The following EMILIN2 variants were observed in gnomAD, a reference collection of about 807,000 sequenced individuals.
EMILIN2 encodes the protein EMILIN-2.
Under a neutral mutation model 87.1 loss-of-function variants are expected in EMILIN2, and 71 were observed. The observed-to-expected ratio is 0.82, with a 90% CI of 0.67 to 0.99. EMILIN2 has a LOEUF of 0.99. Ranked by LOEUF, EMILIN2 falls within the 50% of genes least tolerant of loss-of-function variation. The pLI is 0.00. For synonymous variants in EMILIN2, 581 were observed against 563.4 expected (o/e 1.03, Z -0.44); for missense variants, 1,407 against 1,371.8 (o/e 1.03, Z -0.40).
chr18:2,897,865 A>T (rs116746725), intron 4 of EMILIN2, among the ~76,000 whole-genome samples: 36 of 70,160 alleles, frequency 5.1e-4, no homozygotes, highest in Middle Eastern at 8.3e-3. Flanking sequence ...CTGTCTCTTT[A>T]AAAAAAAAAA....
In EMILIN2 at chr18:2,892,115, T is replaced by C; in HGVS notation, c.1988T>C (p.Val663Ala). 6.2e-7 allele frequency: 1 copy of C among 1,612,534 alleles called. No individual in the cohort carries two copies. Among genetic ancestry groups the C allele is most frequent in the African/African-American group, 1.3e-5 (1 of 74,972 alleles). Residue 663 changes from valine (V) to alanine (A), a missense_variant, in exon 4 of 8, where the codon GTG becomes GCG. Physicochemically the swap from Val to Ala is moderately conservative, Grantham distance 64. Transcript: ENST00000254528. ...ACCCTGCCGTCCCCCCAGCACCCCG[T>C]GGCTCATTGCTGCAGTCAGCTGGAG... ...VDTLPSPQHP[V>A]AHCCSQLEER...
chr18:2,901,006 A>G (rs1354750898), intron 4 of EMILIN2, among the ~76,000 whole-genome samples: 2 of 152,208 alleles, frequency 1.3e-5, no homozygotes, highest in African/African-American at 4.8e-5. Context: ...TACACTTAAC[A>G]TTTGCACAGT....
chr18:2,873,694 A>G (rs138564050), intron 2 of EMILIN2, among the ~76,000 whole-genome samples: 15,644 of 151,864 alleles, frequency 0.1, 1,035 homozygotes, highest in Non-Finnish European at 0.14. Flanking sequence ...GCGACAGAGC[A>G]AGACTCCATC....
intron 4 of EMILIN2, among the ~76,000 whole-genome samples, chr18:2,893,432 T>C (rs1028163234): frequency 6.6e-6 from 1 of 152,234 alleles, no homozygotes; most frequent in Non-Finnish European, 1.5e-5. Flanking sequence ...TAAAGCTCCA[T>C]AGTGCCTGCA....
Position 2,890,349 on chromosome 18 carries a change from C to T in EMILIN2, c.434-212C>T, listed in dbSNP as rs1354978843. On this transcript the variant is annotated intron_variant, in intron 3 of 7. Transcript: ENST00000254528. This position sits in a 1 kb window ranked among gnomAD's most constrained non-coding sequence, Gnocchi z 4.7. ...GTTAGTTAACTTGCTCAAGGACAAA[C>T]AGTAAATAGCAGAGCCAGAATGCAA... 6.6e-6 allele frequency among the ~76,000 whole-genome samples: 1 copy of T among 152,160 alleles called. No individual in the cohort carries two copies. Among genetic ancestry groups the T allele is most frequent in the Non-Finnish European group, 1.5e-5 (1 of 68,034 alleles).
intron 2 of EMILIN2, among the ~76,000 whole-genome samples, chr18:2,874,789 G>T (rs529154155): frequency 6.6e-6 from 1 of 152,316 alleles, no homozygotes; most frequent in South Asian, 2.1e-4. Context: ...AAAACGAGAA[G>T]AAATTTTCCG....
intron 2 of EMILIN2, among the ~76,000 whole-genome samples, chr18:2,878,370 A>C (rs1030633750): frequency 1.3e-5 from 2 of 151,992 alleles, no homozygotes; most frequent in African/African-American, 4.8e-5. Flanking sequence ...GGTGCCTGTA[A>C]TCTTAGCTAT....
chr18:2,915,322 T>C lies in EMILIN2; in HGVS notation c.*1918T>C, dbSNP rs2076962038. 6.6e-6 allele frequency: 1 copy of C among 152,210 alleles called. No individual in the cohort carries two copies. Among genetic ancestry groups the C allele is most frequent in the Admixed American group, 6.5e-5 (1 of 15,288 alleles). 9.4% of individuals were successfully genotyped at this position (152,210 alleles called of 1,614,324 possible). A position where few individuals can be genotyped will look rare whatever the true frequency, so the allele number is the denominator to read the frequency against. On this transcript the variant is annotated 3_prime_UTR_variant, in exon 8 of 8. Coordinates refer to ENST00000254528, the MANE Select transcript of EMILIN2 (RefSeq NM_032048.3). ...CTTTGAGATAAAGCTGGATGACAGG[T>C]GGATCCTGGCCCACTTAGGAGACAT...
At chr18:2,912,603 T>C (rs2076946610) in intron 7 of EMILIN2, among the ~76,000 whole-genome samples, 1 of 152,148 alleles carries the variant, frequency 6.6e-6, no homozygotes, top group Non-Finnish European at 1.5e-5. Context: ...GTGTGGGTCA[T>C]GGGCTGAGTA....
chr18:2,892,023 T>C lies in EMILIN2; in HGVS notation c.1896T>C (p.Cys632=), dbSNP rs1328105468. The C allele has an allele frequency of 6.2e-7, 1 of 1,614,224 alleles. No individual in the cohort carries two copies. Among genetic ancestry groups the C allele is most frequent in the African/African-American group, 1.3e-5 (1 of 75,064 alleles). Residue 632 remains cysteine (C), a synonymous_variant, in exon 4 of 8, where the codon TGT becomes TGC. Transcript: ENST00000254528. The part of the protein sequence containing the change: ...VTHLQKEMSN[C]RAGENAGMGR... ...ATCTTCAAAAGGAAATGAGCAATTG[T>C]AGAGCAGGTGAAAACGCTGGCATGG...
chr18:2,902,287 A>G (rs1331126363), intron 4 of EMILIN2, among the ~76,000 whole-genome samples: 2 of 152,154 alleles, frequency 1.3e-5, no homozygotes, highest in South Asian at 2.1e-4. Context: ...AAATTGTTCA[A>G]TGTCAGTTAC....
At chr18:2,885,269 G>T (rs1598496505) in intron 3 of EMILIN2, 130 bp downstream of exon 3, 2 of 961,548 alleles carry the variant, frequency 2.1e-6, no homozygotes, top group African/African-American at 1.7e-5. Flanking sequence ...GATACCTGCA[G>T]TAGCCACATG....
chr18:2,899,624 C>T (rs1220596550), intron 4 of EMILIN2, among the ~76,000 whole-genome samples: 2 of 152,206 alleles, frequency 1.3e-5, no homozygotes, highest in East Asian at 1.9e-4. Context: ...CCTGCCTCAG[C>T]CACCCGAATA....
intron 7 of EMILIN2, 99 bp from the exon 8 acceptor site, chr18:2,912,968 G>C: frequency 7.9e-7 from 1 of 1,259,644 alleles, no homozygotes; most frequent in Non-Finnish European, 1.1e-6. Context: ...GAGATGGCTG[G>C]TCTCCCAGGC....
chr18:2,850,918 T>C (rs2076598276), intron 2 of EMILIN2, among the ~76,000 whole-genome samples: 1 of 152,010 alleles, frequency 6.6e-6, no homozygotes, highest in African/African-American at 2.4e-5. Context: ...TCCTGGAGGC[T>C]TCAGGCTCCA....
chr18:2,887,204 T>TAA (rs71159018), intron 3 of EMILIN2, among the ~76,000 whole-genome samples: 11 of 152,224 alleles, frequency 7.2e-5, no homozygotes, highest in African/African-American at 1.9e-4. Context: ...ATATTGCTGC[T>TAA]AAAAAAACAC....
chr18:2,854,836 G>A (rs968186767), intron 2 of EMILIN2, among the ~76,000 whole-genome samples: 5 of 152,180 alleles, frequency 3.3e-5, no homozygotes, highest in African/African-American at 1.2e-4. Context: ...TGCAGGGATC[G>A]GGGGAAAGAA....
At chr18:2,906,625 C>A in intron 4 of EMILIN2, 158 bp from the exon 5 acceptor site, 1 of 536,532 alleles carries the variant, frequency 1.9e-6, no homozygotes, top group Non-Finnish European at 2.8e-6. Context: ...AAGATGCGGG[C>A]GGACGCCCGT....
upstream of EMILIN2, among the ~76,000 whole-genome samples, chr18:2,846,603 A>G (rs2076574612): frequency 1.3e-5 from 2 of 152,154 alleles, no homozygotes; most frequent in South Asian, 4.1e-4. This position sits in a 1 kb window ranked among gnomAD's most constrained non-coding sequence, Gnocchi z 5.3. Context: ...ATTCGAGTCG[A>G]GCCCCCACTC....
Sources: gnomAD v4.1 joint callset for allele counts (sites outside exome capture counted in the v4.1 genomes callset) on GRCh38, gnomAD v4.1.1 for gene constraint, Gnocchi (gnomAD v3.1) non-coding constraint, MANE v1.5 for transcripts, NCBI Gene and HGNC (gene_info 2026-07-23, HGNC 2026-07-21) for gene names.